Variants in DMD observed in about 807,000 individuals in gnomAD.
DMD encodes the protein dystrophin, also known as mutant dystrophin.
Under a neutral mutation model 330.1 loss-of-function variants are expected in DMD, and 63 were observed. That is an observed-to-expected ratio of 0.19 (90% CI 0.16 to 0.24). The LOEUF (loss-of-function observed/expected upper bound fraction) is 0.24. Ranked by LOEUF, DMD falls within the 10% of genes least tolerant of loss-of-function variation. DMD has a pLI of 1.00. For missense variants in DMD, 3,344 were observed against 2,684.1 expected (o/e 1.25, Z -5.43); for synonymous variants, 1,223 against 959.8 (o/e 1.27, Z -5.07).
rs1170856528 is a variant in DMD, at chrX:31,120,962, A to G, written c.*957T>C. 1 of 111,239 alleles carries G rather than the reference A, an allele frequency of 9.0e-6. No individual in the cohort carries two copies. Among genetic ancestry groups the G allele is most frequent in the Non-Finnish European group, 1.9e-5 (1 of 53,033 alleles). The allele number at this position is 111,239 out of a possible 1,213,427, so 9.2% of individuals were successfully genotyped here. A position where few individuals can be genotyped will look rare whatever the true frequency, so the allele number is the denominator to read the frequency against. ...CACATGTTCCCTTTAAAAAAATCCA[A>G]TACTTTACTTTACTTTCGTTGTCAG... On this transcript the variant is annotated 3_prime_UTR_variant, in exon 79 of 79. Transcript: ENST00000357033.
intron 56 of DMD, among the ~76,000 whole-genome samples, chrX:31,505,147 C>T (rs1439484930): frequency 8.9e-6 from 1 of 111,945 alleles, no homozygotes; most frequent in African/African-American, 3.2e-5. Context: ...CTTGACCTGC[C>T]AATATTTTTT....
At chrX:32,844,345 G>A (rs1052428465) in intron 4 of DMD, among the ~76,000 whole-genome samples, 3 of 106,376 alleles carry the variant, frequency 2.8e-5, no homozygotes, top group Non-Finnish European at 3.9e-5. Context: ...GGCAGAGTTT[G>A]CAGTGAGCCG....
At position 32,480,046 on chromosome X, in the gene DMD, C is replaced by T. The variant is rs773953469; in HGVS notation, c.2803+4873G>A. On this transcript the variant is annotated intron_variant, in intron 21 of 78. Coordinates refer to ENST00000357033, the MANE Select transcript of DMD (RefSeq NM_004006.3). The stretch of plus-strand genomic sequence containing the variant: ...GTTAATATCCAAAATATATAGAAAC[C>T]TCAAAAAACTCAACAGCAAGAAAAC... Among the ~76,000 whole-genome samples, 76 of 110,737 alleles carry T rather than the reference C, an allele frequency of 6.9e-4. 2 individuals carry two copies. The highest frequency in any genetic ancestry group is 2.3e-3 in the African/African-American group (70 of 30,580).
At chrX:32,677,370 T>G (rs2062042283) in intron 9 of DMD, among the ~76,000 whole-genome samples, 1 of 111,562 alleles carries the variant, frequency 9.0e-6, no homozygotes, top group South Asian at 3.7e-4. Context: ...AACAGTATAT[T>G]CACATGTGCA....
chrX:32,285,864 T>C (rs920546812), intron 43 of DMD, among the ~76,000 whole-genome samples: 3 of 109,643 alleles, frequency 2.7e-5, no homozygotes, highest in African/African-American at 1.0e-4. Flanking sequence ...CACGCACAGG[T>C]CATTTTTGTA....
chrX:32,959,046 C>T (rs1315405885), intron 2 of DMD, among the ~76,000 whole-genome samples: 1 of 111,389 alleles, frequency 9.0e-6, no homozygotes, highest in African/African-American at 3.3e-5. Context: ...TAAGTTATTA[C>T]AAATATGTTC....
intron 17 of DMD, among the ~76,000 whole-genome samples, chrX:32,533,391 G>T (rs1349437127): frequency 1.8e-5 from 2 of 111,597 alleles, no homozygotes; most frequent in East Asian, 5.6e-4. Flanking sequence ...TTAATCCCAT[G>T]TAAGTTTTGT....
intron 12 of DMD, among the ~76,000 whole-genome samples, chrX:32,609,181 G>A (rs935236102): frequency 1.8e-5 from 2 of 110,494 alleles, no homozygotes; most frequent in African/African-American, 3.3e-5. Context: ...TACAATTTTT[G>A]TTGTCATTGC....
chrX:32,408,548 T>C (rs1325892973), intron 30 of DMD, among the ~76,000 whole-genome samples: 1 of 111,492 alleles, frequency 9.0e-6, no homozygotes. Flanking sequence ...CTCTAAAAGA[T>C]TCAAATTAAC....
chrX:31,544,788 G>A (rs1276626392), intron 55 of DMD, among the ~76,000 whole-genome samples: 3 of 111,073 alleles, frequency 2.7e-5, no homozygotes, highest in African/African-American at 9.8e-5. Flanking sequence ...CGATGGGTGA[G>A]AAAAGAGATC....
intron 61 of DMD, among the ~76,000 whole-genome samples, chrX:31,338,309 CAAAAA>C (rs752828727): frequency 0.015 from 821 of 53,366 alleles, 13 homozygotes; most frequent in African/African-American, 0.058. Flanking sequence ...AGTAAAAATA[CAAAAA>C]AAAAAAAAAA....
chrX:31,948,592 T>C (rs1458458954), intron 45 of DMD, among the ~76,000 whole-genome samples: 3 of 111,331 alleles, frequency 2.7e-5, no homozygotes, highest in African/African-American at 6.5e-5. Flanking sequence ...GAGATGATAG[T>C]GTTCATCTCA....
chrX:32,738,365 T>A (rs777605447), intron 7 of DMD, among the ~76,000 whole-genome samples: 1 of 111,773 alleles, frequency 8.9e-6, no homozygotes, highest in Admixed American at 9.5e-5. Flanking sequence ...CCTGGATTCA[T>A]TCAAATCCAA....
intron 61 of DMD, among the ~76,000 whole-genome samples, chrX:31,344,041 G>T (rs766754577): frequency 8.8e-5 from 9 of 101,992 alleles, no homozygotes; most frequent in African/African-American, 2.5e-4. Context: ...GGAGTGCGGG[G>T]GGGGGTGGAT....
chrX:32,041,175 T>G (rs1470024295), intron 44 of DMD, among the ~76,000 whole-genome samples: 1 of 112,485 alleles, frequency 8.9e-6, no homozygotes, highest in Non-Finnish European at 1.9e-5. Flanking sequence ...TTTCCCCAAG[T>G]TGGAGTGTAA....
At chrX:32,454,364 A>G (rs1410089717) in intron 26 of DMD, among the ~76,000 whole-genome samples, 1 of 111,226 alleles carries the variant, frequency 9.0e-6, no homozygotes, top group African/African-American at 3.2e-5. Flanking sequence ...TCAGCTACAG[A>G]CAGTTAATGA....
intron 45 of DMD, among the ~76,000 whole-genome samples, chrX:31,965,038 T>C (rs1475817112): frequency 1.8e-5 from 2 of 111,641 alleles, no homozygotes; most frequent in African/African-American, 6.5e-5. Context: ...TCCCACTGCC[T>C]TGCTTCCGTC....
intron 76 of DMD, among the ~76,000 whole-genome samples, chrX:31,141,366 CAG>C (rs2036027215): frequency 8.9e-6 from 1 of 112,193 alleles, no homozygotes; most frequent in Non-Finnish European, 1.9e-5. Context: ...TGTTGTCAAA[CAG>C]AAGGCATAAA....
chrX:32,709,163 A>G (rs2064955894), intron 7 of DMD, among the ~76,000 whole-genome samples: 1 of 111,881 alleles, frequency 8.9e-6, no homozygotes, highest in Non-Finnish European at 1.9e-5. Flanking sequence ...GGACCTCCCA[A>G]CTACAAATAC....
Sources: gnomAD v4.1 joint callset for allele counts (sites outside exome capture counted in the v4.1 genomes callset) on GRCh38, gnomAD v4.1.1 for gene constraint, MANE v1.5 for transcripts, NCBI Gene and HGNC (gene_info 2026-07-23, HGNC 2026-07-21) for gene names.